CTNNA2: variants seen among roughly 807,000 people sequenced by gnomAD.
CTNNA2 encodes the protein catenin alpha-2.
CTNNA2 carries 42 observed loss-of-function variants against 101.0 expected under a neutral mutation model. The observed-to-expected ratio is 0.42, with a 90% CI of 0.32 to 0.54. The LOEUF is 0.54. CTNNA2 is among the 20% of genes least tolerant of loss of function. The pLI is 0.14. For missense variants in CTNNA2, 871 were observed against 1,223.1 expected (o/e 0.71, Z 4.29); for synonymous variants, 450 against 456.4 (o/e 0.99, Z 0.18).
intron 7 of CTNNA2, among the ~76,000 whole-genome samples, chr2:80,165,855 TG>T (rs1288153390): frequency 6.6e-6 from 1 of 152,188 alleles, no homozygotes; most frequent in Non-Finnish European, 1.5e-5. Flanking sequence ...GATACCACCC[TG>T]GTGTGAATGT....
intron 3 of CTNNA2, among the ~76,000 whole-genome samples, chr2:79,795,132 G>A (rs549858261): frequency 2.6e-5 from 4 of 152,202 alleles, no homozygotes; most frequent in Non-Finnish European, 5.9e-5. Flanking sequence ...AAAGTCTCAG[G>A]GTCATCTAAC....
In CTNNA2 at chr2:80,178,701, G is replaced by A. The variant is rs146819372; in HGVS notation, c.1057-214510G>A. 6.4e-4 allele frequency among the ~76,000 whole-genome samples: 98 copies of A among 152,274 alleles called. 1 individual carries two copies. The East Asian group carries it at 0.016, about 24-fold the overall frequency. ...AATACACCCAAATGAGGAATGTGTTGCCTCCAAAATCCAAATAGACCCACT... is the reference window on the plus strand; with the variant it reads ...AATACACCCAAATGAGGAATGTGTTACCTCCAAAATCCAAATAGACCCACT... On this transcript the variant is annotated intron_variant, in intron 7 of 18. Coordinates refer to ENST00000402739, the MANE Select transcript of CTNNA2 (RefSeq NM_001282597.3).
upstream of CTNNA2, among the ~76,000 whole-genome samples, chr2:79,512,297 A>G (rs1334944074): frequency 6.6e-6 from 1 of 152,228 alleles, no homozygotes; most frequent in Non-Finnish European, 1.5e-5. Flanking sequence ...CTGAATCAAG[A>G]AAAGAATCAC....
chr2:80,394,900 G>C (rs1677859906), intron 8 of CTNNA2, among the ~76,000 whole-genome samples: 1 of 152,134 alleles, frequency 6.6e-6, no homozygotes, highest in Non-Finnish European at 1.5e-5. Flanking sequence ...CCTTTGGCTA[G>C]ATTGTCAACC....
At chr2:79,779,963 C>A (rs1674298480) in intron 3 of CTNNA2, among the ~76,000 whole-genome samples, 1 of 152,260 alleles carries the variant, frequency 6.6e-6, no homozygotes, top group South Asian at 2.1e-4. Flanking sequence ...ACAACAGACC[C>A]TAAGTCTGAT....
rs149540445 is a variant in CTNNA2 at position 79,657,257 on chromosome 2, A to G, written c.102+5599A>G. Among the ~76,000 whole-genome samples, 1,050 of 152,062 alleles carry G rather than the reference A, an allele frequency of 6.9e-3. 6 individuals are homozygous for G. The highest frequency in any genetic ancestry group is 0.011 in the Non-Finnish European group (750 of 67,826). On this transcript the variant is annotated intron_variant, in intron 2 of 18. Transcript: ENST00000402739. ...ATAAAATTGTAAATGAGAAAGCAGA[A>G]GTAAATCCCGAAACAAGAAAGGTTA...
intron 4 of CTNNA2, among the ~76,000 whole-genome samples, chr2:79,447,765 A>G (rs1034925337): frequency 1.4e-4 from 21 of 152,064 alleles, no homozygotes; most frequent in African/African-American, 4.8e-4. Flanking sequence ...TGCTTACCCA[A>G]TACTCAGCTC....
At chr2:79,974,365 C>T (rs114766182) in intron 7 of CTNNA2, among the ~76,000 whole-genome samples, 18 of 152,194 alleles carry the variant, frequency 1.2e-4, no homozygotes, top group South Asian at 2.1e-4. Flanking sequence ...AAAAGGTTAG[C>T]GAGAAGGTTC....
chr2:79,552,754 G>A (rs879336285), intron 1 of CTNNA2, among the ~76,000 whole-genome samples: 2 of 152,174 alleles, frequency 1.3e-5, no homozygotes, highest in African/African-American at 4.8e-5. Context: ...GCTGCTCCTT[G>A]GTCCCTTTTA....
chr2:79,863,441 C>G (rs1422425879), intron 4 of CTNNA2, among the ~76,000 whole-genome samples: 1 of 152,004 alleles, frequency 6.6e-6, no homozygotes, highest in Non-Finnish European at 1.5e-5. Context: ...TATCGCTGGG[C>G]CTAGATTCAA....
At chr2:79,416,257 C>CTTTTTCTTTTT (rs1404591922) in intron 4 of CTNNA2, among the ~76,000 whole-genome samples, 1 of 94,652 alleles carries the variant, frequency 1.1e-5, no homozygotes, top group African/African-American at 4.1e-5. Flanking sequence ...CTTTCCTTTT[C>CTTTTTCTTTTT]TTTTTTTTTT....
intron 4 of CTNNA2, among the ~76,000 whole-genome samples, chr2:79,401,507 A>G (rs927459125): frequency 1.3e-5 from 2 of 151,608 alleles, no homozygotes; most frequent in African/African-American, 2.4e-5. Flanking sequence ...TTTGTATACT[A>G]TTTATTATAA....
chr2:80,606,414 C>CACACACACACACACACACACACACCCA (rs1558638318), intron 16 of CTNNA2, among the ~76,000 whole-genome samples: 3 of 51,614 alleles, frequency 5.8e-5, no homozygotes, highest in Admixed American at 2.1e-4. Context: ...ACACACACAC[C>CACACACACACACACACACACACACCCA]CCCCAGGATA....
At chr2:79,194,656 T>C (rs1558569580) in intron 1 of CTNNA2, among the ~76,000 whole-genome samples, 3 of 152,176 alleles carry the variant, frequency 2.0e-5, no homozygotes, top group African/African-American at 7.2e-5. Flanking sequence ...AACTGCCAGG[T>C]CAGTCAGTCT....
intron 7 of CTNNA2, among the ~76,000 whole-genome samples, chr2:80,140,568 C>A (rs749547948): frequency 5.3e-5 from 8 of 152,108 alleles, no homozygotes; most frequent in Non-Finnish European, 8.8e-5. Flanking sequence ...ATGCTCCAAC[C>A]CCACCAGGAG....
intron 3 of CTNNA2, among the ~76,000 whole-genome samples, chr2:79,366,353 A>G (rs986016016): frequency 2.0e-5 from 3 of 152,250 alleles, no homozygotes; most frequent in Non-Finnish European, 2.9e-5. Flanking sequence ...GGCTAGGAAC[A>G]AAGATTTTTC....
At chr2:80,561,191 C>A (rs1238775881) in intron 12 of CTNNA2, among the ~76,000 whole-genome samples, 1 of 151,994 alleles carries the variant, frequency 6.6e-6, no homozygotes, top group African/African-American at 2.4e-5. Flanking sequence ...GTGGTAGGGG[C>A]AGCTTATTGG....
At chr2:80,086,475 A>C (rs1484356430) in intron 7 of CTNNA2, among the ~76,000 whole-genome samples, 1 of 152,108 alleles carries the variant, frequency 6.6e-6, no homozygotes, top group Non-Finnish European at 1.5e-5. Flanking sequence ...ATTCTTGGTC[A>C]GAGACTTGAT....
chr2:79,943,254 A>G (rs1334445857), intron 7 of CTNNA2, among the ~76,000 whole-genome samples: 1 of 151,372 alleles, frequency 6.6e-6, no homozygotes, highest in Non-Finnish European at 1.5e-5. Context: ...AGTTCATAAA[A>G]CAACTTTGCA....
Sources: allele counts gnomAD v4.1 joint callset (sites outside exome capture counted in the v4.1 genomes callset), GRCh38; gene constraint gnomAD v4.1.1; transcripts MANE v1.5; gene names NCBI Gene and HGNC (gene_info 2026-07-23, HGNC 2026-07-21).